Variants in DOCK10 observed in about 807,000 individuals in gnomAD.
The protein encoded by DOCK10 is dedicator of cytokinesis protein 10.
Under a neutral mutation model 280.1 loss-of-function variants are expected in DOCK10, and 145 were observed. The ratio of observed to expected loss-of-function variants is 0.52; its 90% CI spans 0.45 to 0.59. The LOEUF is 0.59. Among genes scored for constraint, DOCK10 ranks in the 20% least tolerant of loss-of-function variants. The probability of loss-of-function intolerance (pLI) is 0.00; values close to 1 mark genes in which losing one functional copy is unlikely to be tolerated. For missense variants in DOCK10, 2,368 were observed against 2,651.7 expected (o/e 0.89, Z 2.35); for synonymous variants, 915 against 942.2 (o/e 0.97, Z 0.53).
chr2:224,990,936 G>A (rs1706112702), intron 1 of DOCK10, among the ~76,000 whole-genome samples: 1 of 152,216 alleles, frequency 6.6e-6, no homozygotes, highest in Non-Finnish European at 1.5e-5. Flanking sequence ...AAGCTAATGG[G>A]AGTGGCTTAG....
chr2:224,977,923 C>G (rs1015836166), intron 1 of DOCK10, among the ~76,000 whole-genome samples: 2 of 152,186 alleles, frequency 1.3e-5, no homozygotes, highest in Non-Finnish European at 2.9e-5. Flanking sequence ...AATGCCAAAG[C>G]CTTCTGAAGG....
intron 26 of DOCK10, among the ~76,000 whole-genome samples, chr2:224,833,626 C>A (rs16866206): frequency 0.1 from 15,673 of 151,604 alleles, 992 homozygotes; most frequent in Middle Eastern, 0.18. Flanking sequence ...AATGCATCTT[C>A]TTTTCTAACA....
At chr2:224,841,458 AGCCCACCTTTATCT>A (rs1196745774) in intron 23 of DOCK10, among the ~76,000 whole-genome samples, 1 of 152,178 alleles carries the variant, frequency 6.6e-6, no homozygotes, top group Admixed American at 6.5e-5. Context: ...TGAACACTGT[AGCCCACCTTTATCT>A]GGCTTTATTC....
At chr2:224,957,299 T>A (rs1336538877) in intron 1 of DOCK10, among the ~76,000 whole-genome samples, 3 of 96,486 alleles carry the variant, frequency 3.1e-5, no homozygotes, top group Non-Finnish European at 4.7e-5. Context: ...CCCCCCGGCT[T>A]TGTTTTTCGG....
At chr2:224,790,208 A>ACC (rs1692073146) in intron 47 of DOCK10, among the ~76,000 whole-genome samples, 1 of 152,264 alleles carries the variant, frequency 6.6e-6, no homozygotes, top group African/African-American at 2.4e-5. Context: ...ATAATGGGTA[A>ACC]CATTCCCAGA....
At chr2:225,035,956 C>A (rs1690249016) in intron 1 of DOCK10, among the ~76,000 whole-genome samples, 7 of 151,900 alleles carry the variant, frequency 4.6e-5, no homozygotes, top group Admixed American at 4.6e-4. Context: ...CTAATTACCT[C>A]CCAAAGGCCT....
At chr2:224,812,358 G>T (rs190411006) in intron 31 of DOCK10, among the ~76,000 whole-genome samples, 7 of 152,298 alleles carry the variant, frequency 4.6e-5, no homozygotes, top group Admixed American at 3.9e-4. Flanking sequence ...CTTTGTTGAA[G>T]TTGCTTATCA....
intron 24 of DOCK10, among the ~76,000 whole-genome samples, chr2:224,839,285 G>A (rs1247170779): frequency 6.7e-6 from 1 of 150,138 alleles, no homozygotes; most frequent in African/African-American, 2.5e-5. Context: ...AGTAGAGTTG[G>A]GGTTTCACCA....
chr2:224,855,759 A>G (rs1478084251), intron 15 of DOCK10, among the ~76,000 whole-genome samples: 1 of 152,190 alleles, frequency 6.6e-6, no homozygotes, highest in African/African-American at 2.4e-5. Flanking sequence ...TGGGATAATT[A>G]CAGTGATGGG....
chr2:224,965,808 G>A (rs1227107297), intron 1 of DOCK10, among the ~76,000 whole-genome samples: 1 of 152,136 alleles, frequency 6.6e-6, no homozygotes, highest in Admixed American at 6.5e-5. Context: ...TTTAAAAAAA[G>A]TAACTTAAAT....
In DOCK10 at chr2:224,886,518, G is replaced by A; in HGVS notation, c.430C>T (p.Pro144Ser). The A allele has an allele frequency of 6.2e-7, 1 of 1,605,964 alleles. No individual in the cohort carries two copies. Residue 144 changes from proline (P) to serine (S), a missense_variant, in exon 5 of 56, where the codon CCA becomes TCA. Physicochemically the swap from Pro to Ser is moderately conservative, Grantham distance 74 (BLOSUM62 -1). Transcript: ENST00000258390. Reference sequence around the variant, plus strand: ...AAGGAATGTGAAGGAAGCTTCTCTGGTTTGTATTCTGCTCTGATATTAAAA... The same window carrying A: ...AAGGAATGTGAAGGAAGCTTCTCTGATTTGTATTCTGCTCTGATATTAAAA... ...IRQLPRAEYKPEKLPSHSFEI... is the reference protein window; with the variant it reads ...IRQLPRAEYKSEKLPSHSFEI...
At chr2:224,781,719 C>T (rs573769084) in intron 50 of DOCK10, among the ~76,000 whole-genome samples, 1 of 152,310 alleles carries the variant, frequency 6.6e-6, no homozygotes, top group Non-Finnish European at 1.5e-5. Flanking sequence ...GCAGTAAACA[C>T]CTTCTTCTGC....
chr2:224,961,466 CTT>C (rs1553623602), intron 1 of DOCK10, among the ~76,000 whole-genome samples: 2,433 of 47,952 alleles, frequency 0.051, 60 homozygotes, highest in Middle Eastern at 0.098. Flanking sequence ...TTCTTTCTTT[CTT>C]TTTCTTTCTT....
rs1210609141 is a variant in DOCK10 at position 224,874,533 on chromosome 2, A to G, written c.1017+133T>C. The G allele has an allele frequency of 4.1e-6, 4 of 983,436 alleles. No individual in the cohort carries two copies. In the African/African-American group the frequency reaches 4.8e-5, roughly 12 times the overall value. The allele number at this position is 983,436 out of a possible 1,614,324, so 60.9% of individuals were successfully genotyped here. A position where few individuals can be genotyped will look rare whatever the true frequency, so the allele number is the denominator to read the frequency against. ...CCTATGTGTATGTTAATGAAAACAC[A>G]TAGGTTAACGGGAAGTTCCAAATTA... On this transcript the variant is annotated intron_variant, in intron 9 of 55. Transcript: ENST00000258390.
intron 7 of DOCK10, among the ~76,000 whole-genome samples, chr2:224,877,160 A>G (rs1698679324): frequency 6.6e-6 from 1 of 151,956 alleles, no homozygotes; most frequent in Non-Finnish European, 1.5e-5. Flanking sequence ...ATTTGTATCC[A>G]CTCTTCAGAT....
rs1054230548 is a variant in DOCK10, at chr2:224,904,416, C to A, written c.334-8039G>T. 2.6e-5 allele frequency among the ~76,000 whole-genome samples: 4 copies of A among 151,978 alleles called. No individual in the cohort carries two copies. In the East Asian group the frequency reaches 5.8e-4, roughly 22 times the overall value. ...TGAATTTTATTAAGAAAGAATGTAA[C>A]CTTTTAAAAATTTTGAAGCAACGTT... On this transcript the variant is annotated intron_variant, in intron 3 of 55. Coordinates refer to ENST00000258390, the MANE Select transcript of DOCK10 (RefSeq NM_014689.3).
intron 14 of DOCK10, chr2:224,861,942 C>T (rs1379552959): frequency 1.3e-5 from 2 of 152,168 alleles, no homozygotes; most frequent in African/African-American, 2.4e-5. Flanking sequence ...CATTGATGAC[C>T]TTTTAGCCTT....
At chr2:224,935,110 C>T (rs1249695999) in intron 1 of DOCK10, among the ~76,000 whole-genome samples, 2 of 152,140 alleles carry the variant, frequency 1.3e-5, no homozygotes, top group African/African-American at 4.8e-5. Context: ...TTCCCATCTA[C>T]CTGATTTCAC....
intron 1 of DOCK10, among the ~76,000 whole-genome samples, chr2:224,959,599 C>T (rs1457985919): frequency 2.6e-5 from 4 of 152,160 alleles, no homozygotes; most frequent in African/African-American, 9.7e-5. Flanking sequence ...AAGGAAACAG[C>T]TGTGCCTTCT....
Sources: allele counts gnomAD v4.1 joint callset (sites outside exome capture counted in the v4.1 genomes callset), GRCh38; gene constraint gnomAD v4.1.1; transcripts MANE v1.5; gene names NCBI Gene and HGNC (gene_info 2026-07-23, HGNC 2026-07-21).